The following SCML4 variants were observed in gnomAD, a reference collection of about 807,000 sequenced individuals.
SCML4 encodes Scm polycomb group protein like 4.
Under a neutral mutation model 41.1 loss-of-function variants are expected in SCML4, and 34 were observed. The ratio of observed to expected loss-of-function variants is 0.83; its 90% CI spans 0.63 to 1.10. The LOEUF (loss-of-function observed/expected upper bound fraction) is 1.10, where lower values mean the gene tolerates loss of function less well. SCML4 is among the 50% of genes least tolerant of loss of function. The pLI is 0.00. For synonymous variants in SCML4, 214 were observed against 220.9 expected, an observed-to-expected ratio of 0.97 and a Z score of 0.28; for missense variants, 522 against 534.1, an observed-to-expected ratio of 0.98 and a Z score of 0.22.
At chr6:107,739,905 T>A (rs770928726) in intron 5 of SCML4, among the ~76,000 whole-genome samples, 1 of 152,208 alleles carries the variant, frequency 6.6e-6, no homozygotes, top group Non-Finnish European at 1.5e-5. Flanking sequence ...GAGCTTACCA[T>A]GCCATCGCTG....
intron 5 of SCML4, among the ~76,000 whole-genome samples, chr6:107,743,744 G>A (rs146732599): frequency 2.6e-3 from 402 of 152,230 alleles, no homozygotes; most frequent in African/African-American, 9.2e-3. Flanking sequence ...CCTTTGCAGA[G>A]GCCAAATTTC....
chr6:107,755,589 G>A lies in SCML4; in HGVS notation c.157-5776C>T, dbSNP rs75802309. On this transcript the variant is annotated intron_variant, in intron 2 of 7. Transcript: ENST00000369020. Reference sequence around the variant, plus strand: ...CACAAACCTCTCTCCAGTGGAATGGGGGGGTTCTCTGCCTGTCGCAACCTA... The same window carrying A: ...CACAAACCTCTCTCCAGTGGAATGGAGGGGTTCTCTGCCTGTCGCAACCTA... 752 of 1,347,712 alleles carry A rather than the reference G, an allele frequency of 5.6e-4. 3 individuals are homozygous for A. The African/African-American group carries it at 0.01, about 19-fold the overall frequency. 83.5% of individuals were successfully genotyped at this position (1,347,712 alleles called of 1,614,324 possible). A position where few individuals can be genotyped will look rare whatever the true frequency, so the allele number is the denominator to read the frequency against.
chr6:107,782,025 C>T (rs1221615790), intron 1 of SCML4, among the ~76,000 whole-genome samples: 2 of 152,152 alleles, frequency 1.3e-5, no homozygotes, highest in Admixed American at 1.3e-4. Context: ...CTTCCCTGCC[C>T]CCAAGAGGGG....
chr6:107,707,773 C>T (rs779129466), intron 7 of SCML4, 93 bp downstream of exon 7: 15 of 1,497,358 alleles, frequency 1.0e-5, no homozygotes, highest in Non-Finnish European at 1.4e-5. Context: ...TCCACCACCT[C>T]CCCTGGCAGC....
intron 6 of SCML4, among the ~76,000 whole-genome samples, chr6:107,713,476 C>G (rs1345519112): frequency 6.6e-6 from 1 of 152,250 alleles, no homozygotes; most frequent in Non-Finnish European, 1.5e-5. Context: ...ATCAGTGTGT[C>G]CACATGCAAA....
chr6:107,726,532 C>CA (rs59013088), intron 5 of SCML4, among the ~76,000 whole-genome samples: 1,608 of 72,304 alleles, frequency 0.022, 72 homozygotes, highest in East Asian at 0.036. Context: ...GACTCCATCT[C>CA]AAAAAAAAAA....
At chr6:107,826,059 C>A (rs1583692906), upstream of SCML4, among the ~76,000 whole-genome samples, 2 of 149,974 alleles carry the variant, frequency 1.3e-5, no homozygotes, top group South Asian at 4.2e-4. Context: ...GACTGGCCAA[C>A]ATGGTGAAAC....
intron 1 of SCML4, among the ~76,000 whole-genome samples, chr6:107,795,916 T>G (rs1333498625): frequency 6.6e-6 from 1 of 152,192 alleles, no homozygotes; most frequent in Non-Finnish European, 1.5e-5. Flanking sequence ...TGTCCATTCT[T>G]AAGTTTTACA....
chr6:107,723,865 T>G (rs1250721466), intron 5 of SCML4, among the ~76,000 whole-genome samples: 1 of 152,094 alleles, frequency 6.6e-6, no homozygotes, highest in Non-Finnish European at 1.5e-5. Flanking sequence ...ATAAGAAAAC[T>G]ATAGACCAAT....
At chr6:107,763,216 T>G (rs1779753884) in intron 2 of SCML4, among the ~76,000 whole-genome samples, 1 of 151,992 alleles carries the variant, frequency 6.6e-6, no homozygotes, top group African/African-American at 2.4e-5. Flanking sequence ...TTCTCCTTCC[T>G]TTTCTTCCTT....
intron 1 of SCML4, among the ~76,000 whole-genome samples, chr6:107,785,914 C>A (rs957688629): frequency 1.3e-5 from 2 of 152,122 alleles, no homozygotes; most frequent in African/African-American, 4.8e-5. Context: ...CCTGACAGCT[C>A]CTCCGCACCT....
At chr6:107,735,701 A>G (rs1381825355) in intron 5 of SCML4, among the ~76,000 whole-genome samples, 1 of 151,946 alleles carries the variant, frequency 6.6e-6, no homozygotes. Context: ...TGGGAGGCTA[A>G]GGCAGGAGAA....
rs566406311 is a variant in SCML4 at position 107,798,986 on chromosome 6, G to A, written c.-60+25140C>T. Among the ~76,000 whole-genome samples, 3 of 152,200 alleles carry A rather than the reference G, an allele frequency of 2.0e-5. No individual in the cohort carries two copies. In the East Asian group the frequency reaches 5.8e-4, roughly 29 times the overall value. ...GTATTGAGACTTGTTTTATGGCCCA[G>A]CTTATTGTCTATGTTGGTGAATGTT... is the stretch of plus-strand genomic sequence containing the variant. On this transcript the variant is annotated intron_variant, in intron 1 of 7. Transcript: ENST00000369020.
intron 1 of SCML4, among the ~76,000 whole-genome samples, chr6:107,798,927 TA>T (rs1304724072): frequency 3.3e-5 from 5 of 152,152 alleles, no homozygotes; most frequent in Non-Finnish European, 7.4e-5. Flanking sequence ...TATTGACTTC[TA>T]AAACACTCTG....
intron 5 of SCML4, among the ~76,000 whole-genome samples, chr6:107,735,468 T>C (rs996851707): frequency 6.6e-5 from 10 of 152,084 alleles, no homozygotes; most frequent in Admixed American, 2.6e-4. Context: ...CTGTTTTTTT[T>C]TCTTCAAGTT....
intron 6 of SCML4, among the ~76,000 whole-genome samples, chr6:107,716,187 T>C (rs1035654897): frequency 6.6e-6 from 1 of 152,188 alleles, no homozygotes; most frequent in African/African-American, 2.4e-5. Context: ...AGAACCCCAC[T>C]CTGCAAATGT....
At chr6:107,828,405 T>TC (rs1785314942), upstream of SCML4, among the ~76,000 whole-genome samples, 1 of 152,206 alleles carries the variant, frequency 6.6e-6, no homozygotes, top group South Asian at 2.1e-4. Flanking sequence ...ACTCAAAACA[T>TC]CGGTCTGCTG....
upstream of SCML4, among the ~76,000 whole-genome samples, chr6:107,827,606 CA>C (rs1785300639): frequency 6.6e-6 from 1 of 152,164 alleles, no homozygotes; most frequent in African/African-American, 2.4e-5. Context: ...TCTGAGCTAG[CA>C]TCTCTCTAAG....
chr6:107,735,155 C>T (rs564470779), intron 5 of SCML4, among the ~76,000 whole-genome samples: 3 of 152,130 alleles, frequency 2.0e-5, no homozygotes, highest in Non-Finnish European at 4.4e-5. Context: ...GGATTACAGG[C>T]GTGAGCCACC....
Sources: allele counts gnomAD v4.1 joint callset (sites outside exome capture counted in the v4.1 genomes callset), GRCh38; gene constraint gnomAD v4.1.1; transcripts MANE v1.5; gene names NCBI Gene and HGNC (gene_info 2026-07-23, HGNC 2026-07-21).